The following INTS10 variants were observed in gnomAD, a reference collection of about 807,000 sequenced individuals.
INTS10 encodes the protein integrator complex subunit 10, also known as chromosome 8 open reading frame 35.
In INTS10, 44 loss-of-function variants were observed where a neutral mutation model predicts 94.4. That is an observed-to-expected ratio of 0.47 (90% CI 0.37 to 0.60). INTS10 has a LOEUF of 0.60. Ranked by LOEUF, INTS10 falls within the 20% of genes least tolerant of loss-of-function variation. INTS10 has a pLI of 0.00. For missense variants in INTS10, 797 were observed against 868.7 expected (o/e 0.92, Z 1.04); for synonymous variants, 341 against 320.7 (o/e 1.06, Z -0.68).
At chr8:19,848,561 CTT>C (rs1296823251) in intron 16 of INTS10, among the ~76,000 whole-genome samples, 1 of 152,178 alleles carries the variant, frequency 6.6e-6, no homozygotes, top group Non-Finnish European at 1.5e-5. Context: ...TACACTAAAT[CTT>C]TGTTGTTACA....
rs535661758 is a variant in INTS10, at chr8:19,843,707, A to C, written c.1720-369A>C. Among the ~76,000 whole-genome samples the C allele has an allele frequency of 6.6e-6, 1 of 151,926 alleles. No individual in the cohort carries two copies. Among genetic ancestry groups the C allele is most frequent in the African/African-American group, 2.4e-5 (1 of 41,390 alleles). ...CTCCTGGATGGCCTCTTGCCCACCT[A>C]CTCCCATCTGCTCCCTTTCAAAGAA... On this transcript the variant is annotated intron_variant, in intron 14 of 16. Coordinates refer to ENST00000397977, the MANE Select transcript of INTS10 (RefSeq NM_018142.4). This position sits in a 1 kb window ranked among gnomAD's most constrained non-coding sequence, Gnocchi z 4.7.
chr8:19,845,924 T>C (rs966094273), intron 16 of INTS10, 127 bp downstream of exon 16: 5 of 548,990 alleles, frequency 9.1e-6, no homozygotes, highest in East Asian at 2.9e-5. Flanking sequence ...GTCTCTGTTA[T>C]GATAGTTTGA....
At chr8:19,845,613 G>A (rs1403855590) in intron 15 of INTS10, 91 bp from the exon 16 acceptor site, 3 of 844,084 alleles carry the variant, frequency 3.6e-6, no homozygotes, top group Non-Finnish European at 6.1e-6. Flanking sequence ...GATGGCAATG[G>A]GCAAGTTACT....
chr8:19,821,320 C>T (rs558086030), intron 4 of INTS10: 2 of 152,286 alleles, frequency 1.3e-5, no homozygotes, highest in African/African-American at 4.8e-5. Flanking sequence ...CTTTCTTTAC[C>T]TCTCCCTGGC....
At chr8:19,838,996 C>T (rs974934033) in intron 13 of INTS10, among the ~76,000 whole-genome samples, 7 of 151,880 alleles carry the variant, frequency 4.6e-5, no homozygotes, top group Admixed American at 1.3e-4. Context: ...CGCTTGAACC[C>T]GGGAGGCGGA....
rs1467943390 is a variant in INTS10 at position 19,817,490 on chromosome 8, C to T, written c.-48C>T. On this transcript the variant is annotated 5_prime_UTR_variant, in exon 1 of 17. Coordinates refer to ENST00000397977, the MANE Select transcript of INTS10 (RefSeq NM_018142.4). Reference sequence around the variant, plus strand: ...TGCCGTGGCGGCTGAGAGTCCAGAGCCGGACGTTCCGGCCGCTTCGGGCTG... The same window carrying T: ...TGCCGTGGCGGCTGAGAGTCCAGAGTCGGACGTTCCGGCCGCTTCGGGCTG... The T allele has an allele frequency of 5.7e-6, 9 of 1,582,030 alleles. No individual in the cohort carries two copies. Among genetic ancestry groups the T allele is most frequent in the Non-Finnish European group, 7.7e-6 (9 of 1,167,172 alleles).
At chr8:19,844,352 G>A in intron 15 of INTS10, 114 bp downstream of exon 15, 1 of 824,508 alleles carries the variant, frequency 1.2e-6, no homozygotes, top group Non-Finnish European at 1.9e-6. Context: ...CTATTTTGCA[G>A]CGAAGAGAAG....
rs1035240027 is a variant in INTS10, at chr8:19,822,442, G to A, written c.445G>A (p.Gly149Ser). The change falls in exon 5 of 17, where the codon GGC becomes AGC. Residue 149 changes from glycine (G) to serine (S), a missense_variant. Physicochemically the swap from Gly to Ser is moderately conservative, Grantham distance 56. This residue lies in a region of INTS10 where 734 missense variants were observed against 787.8 expected (regional missense o/e 0.93). Coordinates refer to ENST00000397977, the MANE Select transcript of INTS10 (RefSeq NM_018142.4). ...GAGTAATTTTGTTTTGAAATAGGTT[G>A]GCCTTGGGGAGGCACTATTAGAGGC... ...FPETVVQHGV[G>S]LGEALLEAET... The A allele has an allele frequency of 1.3e-6, 2 of 1,598,732 alleles. No individual in the cohort carries two copies. The highest frequency in any genetic ancestry group is 2.7e-5 in the African/African-American group (2 of 74,552).
intron 5 of INTS10, 53 bp downstream of exon 5, chr8:19,822,573 T>G (rs1235022566): frequency 8.9e-7 from 1 of 1,125,286 alleles, no homozygotes; most frequent in Non-Finnish European, 1.3e-6. Flanking sequence ...TATGCTGGGG[T>G]AAGTGTTGGT....
intron 1 of INTS10, among the ~76,000 whole-genome samples, 186 bp downstream of exon 1, chr8:19,817,852 C>T (rs1338370719): frequency 6.6e-6 from 1 of 151,526 alleles, no homozygotes; most frequent in Non-Finnish European, 1.5e-5. Flanking sequence ...ACCTTTCACC[C>T]GCCTTGCTCC....
Position 19,830,060 on chromosome 8 carries a change from C to T in INTS10, c.1141-346C>T, listed in dbSNP as rs1045604767. On this transcript the variant is annotated intron_variant, in intron 9 of 16. Transcript: ENST00000397977. The stretch of plus-strand genomic sequence containing the variant: ...ATTAGAAAAAAAAGTAAACTATAAA[C>T]AGGTGCTGTTTAAGCTGTGTCTCTC... Among the ~76,000 whole-genome samples, 6 of 152,294 alleles carry T rather than the reference C, an allele frequency of 3.9e-5. No homozygotes were observed. In the South Asian group the frequency reaches 8.3e-4, roughly 21 times the overall value.
In INTS10 at chr8:19,831,714, C is replaced by T. The variant is rs910570373; in HGVS notation, c.1295-314C>T. Among the ~76,000 whole-genome samples the T allele has an allele frequency of 2.0e-5, 3 of 151,938 alleles. No homozygotes were observed. In the South Asian group the frequency reaches 6.2e-4, roughly 32 times the overall value. ...AAAATAAGATAAAAATAAAATGGGA[C>T]CTTGTTTTGGGGAAAGCAAAGTGGC... On this transcript the variant is annotated intron_variant, in intron 10 of 16. Transcript: ENST00000397977.
At chr8:19,833,092 AC>A in intron 11 of INTS10, 76 bp from the exon 12 acceptor site, 1 of 1,306,886 alleles carries the variant, frequency 7.7e-7, no homozygotes. Flanking sequence ...TGCTTCGTGA[AC>A]CCTGGAACGG....
At chr8:19,848,547 C>T (rs1353588454) in intron 16 of INTS10, among the ~76,000 whole-genome samples, 2 of 152,196 alleles carry the variant, frequency 1.3e-5, no homozygotes, top group African/African-American at 2.4e-5. Context: ...TGATCACCAG[C>T]TAATACACTA....
At chr8:19,838,888 G>A (rs138957076) in intron 13 of INTS10, among the ~76,000 whole-genome samples, 190 of 152,046 alleles carry the variant, frequency 1.2e-3, no homozygotes, top group African/African-American at 4.4e-3. Context: ...TTGCTAATAT[G>A]GTGAAACTCC....
In INTS10 at chr8:19,845,138, A is replaced by G. The variant is rs151218571; in HGVS notation, c.1883-566A>G. ...AATGAAAGTTACATAATTTTTCACT[A>G]GAAAAATGCATACATGAATGTCATC... On this transcript the variant is annotated intron_variant, in intron 15 of 16. Coordinates refer to ENST00000397977, the MANE Select transcript of INTS10 (RefSeq NM_018142.4). Among the ~76,000 whole-genome samples the G allele has an allele frequency of 2.0e-5, 3 of 152,304 alleles. No individual in the cohort carries two copies. The East Asian group carries it at 5.8e-4, about 29-fold the overall frequency.
intron 8 of INTS10, among the ~76,000 whole-genome samples, chr8:19,826,155 C>G (rs1304423026): frequency 1.3e-5 from 2 of 152,134 alleles, no homozygotes; most frequent in African/African-American, 4.8e-5. Context: ...TCTCGGCTCA[C>G]TGCAACCTCC....
rs755621121 is a variant in INTS10, at chr8:19,833,302, T to G, written c.1511T>G (p.Phe504Cys). 1 of 1,612,096 alleles carries G rather than the reference T, an allele frequency of 6.2e-7. No homozygotes were observed. Among genetic ancestry groups the G allele is most frequent in the East Asian group, 2.2e-5 (1 of 44,708 alleles). The change falls in exon 12 of 17, where the codon TTT becomes TGT. Residue 504 changes from phenylalanine (F) to cysteine (C), a missense_variant. Phe to Cys is a radical substitution (Grantham distance 205, BLOSUM62 -2). Transcript: ENST00000397977. ...RALIQLATCH[F>C]ALGEYRMTCE... ...CTCATCCAGCTGGCGACGTGCCACT[T>G]TGCGCTAGGGGAGTACAGAGTGAGT...
rs898503887 is a variant in INTS10 at position 19,824,214 on chromosome 8, G to A, written c.836+170G>A. The A allele has an allele frequency of 3.8e-6, 2 of 524,678 alleles. 1 individual carries two copies. The highest frequency in any genetic ancestry group is 1.0e-3 in the Middle Eastern group (2 of 1,938). 32.5% of individuals were successfully genotyped at this position (524,678 alleles called of 1,614,324 possible). On this transcript the variant is annotated intron_variant, in intron 7 of 16. Coordinates refer to ENST00000397977, the MANE Select transcript of INTS10 (RefSeq NM_018142.4). ...TCATTTTATCAAAACATTTCTGACT[G>A]GGCACAATGGCTCACATCTGTAATC... is the stretch of plus-strand genomic sequence containing the variant.
Sources: allele counts gnomAD v4.1 joint callset (sites outside exome capture counted in the v4.1 genomes callset), GRCh38; gene constraint gnomAD v4.1.1; regional missense constraint gnomAD v4.1.1; non-coding constraint Gnocchi (gnomAD v3.1); transcripts MANE v1.5; gene names NCBI Gene and HGNC (gene_info 2026-07-23, HGNC 2026-07-21).